Variants in TBXAS1 observed in about 807,000 individuals in gnomAD.
TBXAS1 encodes thromboxane-A synthase.
TBXAS1 carries 48 observed loss-of-function variants against 60.7 expected under a neutral mutation model. That is an observed-to-expected ratio of 0.79 (90% CI 0.63 to 1.01). The LOEUF (loss-of-function observed/expected upper bound fraction) is 1.01. Ranked by LOEUF, TBXAS1 falls within the 50% of genes least tolerant of loss-of-function variation. The pLI is 0.00. For synonymous variants in TBXAS1, 287 were observed against 269.7 expected, an observed-to-expected ratio of 1.06 and a Z score of -0.63; for missense variants, 685 against 686.3, an observed-to-expected ratio of 1.00 and a Z score of 0.02.
intron 9 of TBXAS1, among the ~76,000 whole-genome samples, chr7:139,970,016 C>T (rs1010393778): frequency 3.3e-5 from 5 of 152,238 alleles, no homozygotes; most frequent in Admixed American, 2.6e-4. Context: ...CAAAGTTTAA[C>T]GTGCACGGGA....
chr7:139,817,054 AAT>A (rs1212764840), intron 4 of TBXAS1, among the ~76,000 whole-genome samples: 3 of 152,134 alleles, frequency 2.0e-5, no homozygotes, highest in Non-Finnish European at 2.9e-5. Context: ...TGTCCTTCCC[AAT>A]CAGTTGCCAA....
intron 5 of TBXAS1, among the ~76,000 whole-genome samples, chr7:139,938,847 A>C (rs1808027622): frequency 6.6e-6 from 1 of 152,236 alleles, no homozygotes; most frequent in Non-Finnish European, 1.5e-5. Flanking sequence ...AAGGAAAATA[A>C]GGTTTAGCAG....
At chr7:139,850,245 AT>A (rs1800118188) in intron 1 of TBXAS1, among the ~76,000 whole-genome samples, 1 of 152,218 alleles carries the variant, frequency 6.6e-6, no homozygotes. Context: ...GTTTCTTGCA[AT>A]CCAGAATCAG....
At chr7:139,810,430 C>T (rs1001957827) in intron 4 of TBXAS1, among the ~76,000 whole-genome samples, 2 of 152,128 alleles carry the variant, frequency 1.3e-5, no homozygotes, top group African/African-American at 4.8e-5. Context: ...CTGAACAGAA[C>T]AGTGGTTGAG....
intron 4 of TBXAS1, among the ~76,000 whole-genome samples, chr7:139,799,693 A>T (rs1239637478): frequency 6.6e-6 from 1 of 152,078 alleles, no homozygotes; most frequent in African/African-American, 2.4e-5. Context: ...ATGATTTCCT[A>T]GTTCCTTCCT....
chr7:139,814,837 T>G (rs1346560991), intron 4 of TBXAS1, among the ~76,000 whole-genome samples: 1 of 152,200 alleles, frequency 6.6e-6, no homozygotes. Flanking sequence ...CCTGGAGTCC[T>G]CAACAGCTTC....
At chr7:139,932,947 C>G (rs917032262) in intron 4 of TBXAS1, among the ~76,000 whole-genome samples, 1 of 152,184 alleles carries the variant, frequency 6.6e-6, no homozygotes, top group South Asian at 2.1e-4. Context: ...GTCCCAGCTA[C>G]TCAGGAGACT....
intron 9 of TBXAS1, among the ~76,000 whole-genome samples, chr7:139,981,704 C>T (rs1811991917): frequency 6.6e-6 from 1 of 152,162 alleles, no homozygotes; most frequent in Non-Finnish European, 1.5e-5. Context: ...GGAAAGCAAC[C>T]ACTGGCCCCT....
chr7:140,007,928 G>A (rs1044862851), intron 10 of TBXAS1, among the ~76,000 whole-genome samples: 6 of 152,112 alleles, frequency 3.9e-5, no homozygotes, highest in South Asian at 2.1e-4. Flanking sequence ...ATTGTGCTTC[G>A]TTCAAACTCT....
chr7:139,903,669 T>C (rs1289568160), intron 3 of TBXAS1, among the ~76,000 whole-genome samples: 4 of 152,130 alleles, frequency 2.6e-5, no homozygotes, highest in South Asian at 4.1e-4. Flanking sequence ...TTGTATCACA[T>C]TGCAGTTTTG....
chr7:139,990,012 G>A (rs577935390), intron 9 of TBXAS1, among the ~76,000 whole-genome samples: 15 of 152,230 alleles, frequency 9.9e-5, no homozygotes, highest in Admixed American at 2.6e-4. Context: ...CCTGCCCGCC[G>A]GCCTTAAGCA....
At chr7:139,930,319 T>C (rs1341586059) in intron 4 of TBXAS1, among the ~76,000 whole-genome samples, 2 of 152,226 alleles carry the variant, frequency 1.3e-5, no homozygotes, top group Non-Finnish European at 1.5e-5. Context: ...AGCTTCATTT[T>C]GTTCACAGAG....
In TBXAS1 at chr7:140,017,842, C is replaced by T; in HGVS notation, c.1527+9C>T. 2 of 1,614,076 alleles carry T rather than the reference C, an allele frequency of 1.2e-6. No homozygotes were observed. Among genetic ancestry groups the T allele is most frequent in the Non-Finnish European group, 1.7e-6 (2 of 1,179,950 alleles). On this transcript the variant is annotated intron_variant, in intron 12 of 12. Coordinates refer to ENST00000448866, the MANE Select transcript of TBXAS1 (RefSeq NM_001061.7). ...CCTGCCCTGAGACCCAGGTGAGGCC[C>T]CCCTGCTCAGAGGCAGGGGCAGGGG... is the stretch of plus-strand genomic sequence containing the variant.
chr7:139,814,885 C>T (rs1216254604), intron 4 of TBXAS1, among the ~76,000 whole-genome samples: 2 of 152,128 alleles, frequency 1.3e-5, no homozygotes, highest in Non-Finnish European at 2.9e-5. Flanking sequence ...GTGTCCTGGT[C>T]CCTAGGTGGT....
intron 6 of TBXAS1, among the ~76,000 whole-genome samples, chr7:139,954,982 G>A (rs1329529639): frequency 2.6e-5 from 4 of 152,178 alleles, no homozygotes; most frequent in African/African-American, 7.2e-5. Flanking sequence ...AGATAATTAG[G>A]TTGTTAATTC....
At chr7:139,784,640 C>T (rs1244402536) in intron 3 of TBXAS1, among the ~76,000 whole-genome samples, 1 of 152,138 alleles carries the variant, frequency 6.6e-6, no homozygotes, top group Non-Finnish European at 1.5e-5. Context: ...ACATGCAAAG[C>T]AAGGCCGAGA....
At chr7:139,912,763 G>T (rs898354773) in intron 4 of TBXAS1, among the ~76,000 whole-genome samples, 3 of 152,170 alleles carry the variant, frequency 2.0e-5, no homozygotes, top group Admixed American at 6.5e-5. Flanking sequence ...CCCCCTGCCT[G>T]TGTTCCGAAC....
intron 10 of TBXAS1, among the ~76,000 whole-genome samples, chr7:140,008,448 T>TTC (rs1814269202): frequency 2.8e-5 from 1 of 35,550 alleles, no homozygotes; most frequent in Admixed American, 3.4e-4. Flanking sequence ...TCTTTTATTC[T>TTC]TTTTTTTTTT....
At chr7:139,931,000 T>G (rs2117159194) in intron 4 of TBXAS1, among the ~76,000 whole-genome samples, 1 of 152,214 alleles carries the variant, frequency 6.6e-6, no homozygotes, top group South Asian at 2.1e-4. Flanking sequence ...CTTTTTTGAC[T>G]ATGATCTACA....
Sources: allele counts gnomAD v4.1 joint callset (sites outside exome capture counted in the v4.1 genomes callset), GRCh38; gene constraint gnomAD v4.1.1; transcripts MANE v1.5; gene names NCBI Gene and HGNC (gene_info 2026-07-23, HGNC 2026-07-21).